NOL10: variants seen among roughly 807,000 people sequenced by gnomAD.
NOL10 encodes the protein nucleolar protein 10.
Under a neutral mutation model 103.5 loss-of-function variants are expected in NOL10, and 58 were observed. The observed-to-expected ratio is 0.56, with a 90% CI of 0.45 to 0.70. NOL10 has a LOEUF of 0.70. Ranked by LOEUF, NOL10 falls within the 30% of genes least tolerant of loss-of-function variation. NOL10 has a pLI of 0.00. For synonymous variants in NOL10, 287 were observed against 282.5 expected, an observed-to-expected ratio of 1.02 and a Z score of -0.16; for missense variants, 763 against 807.3, an observed-to-expected ratio of 0.95 and a Z score of 0.67.
chr2:10,675,197 C>CT (rs1681218858), intron 4 of NOL10, among the ~76,000 whole-genome samples: 1 of 149,002 alleles, frequency 6.7e-6, no homozygotes, highest in South Asian at 2.1e-4. Flanking sequence ...GACCCTATCT[C>CT]TTTAAAAAAG....
intron 13 of NOL10, among the ~76,000 whole-genome samples, chr2:10,618,431 G>A (rs1325289672): frequency 2.0e-5 from 3 of 152,110 alleles, no homozygotes; most frequent in Admixed American, 6.6e-5. Flanking sequence ...ATCAGATCCA[G>A]TTAAACCTTT....
At chr2:10,669,062 G>A (rs1680738225) in intron 6 of NOL10, among the ~76,000 whole-genome samples, 1 of 151,932 alleles carries the variant, frequency 6.6e-6, no homozygotes, top group South Asian at 2.1e-4. Context: ...CTCTCTGGGT[G>A]GTGTAATTAT....
intron 12 of NOL10, among the ~76,000 whole-genome samples, chr2:10,650,675 G>A (rs963081657): frequency 1.1e-4 from 16 of 152,068 alleles, no homozygotes; most frequent in Admixed American, 2.0e-4. Flanking sequence ...AGGATCGCTC[G>A]AGCCCAGGGG....
intron 12 of NOL10, among the ~76,000 whole-genome samples, chr2:10,647,996 G>C (rs1679197500): frequency 6.6e-6 from 1 of 152,128 alleles, no homozygotes. Context: ...TGGGACTCAA[G>C]ACACACGTAA....
chr2:10,683,556 G>A (rs1038014179), intron 2 of NOL10, among the ~76,000 whole-genome samples: 3 of 152,172 alleles, frequency 2.0e-5, no homozygotes, highest in African/African-American at 4.8e-5. Flanking sequence ...TGGGTATGGC[G>A]AGATTGCAAG....
chr2:10,659,986 G>T (rs1283137183), intron 9 of NOL10, among the ~76,000 whole-genome samples: 1 of 152,154 alleles, frequency 6.6e-6, no homozygotes, highest in African/African-American at 2.4e-5. Context: ...TCTAGAATAT[G>T]CTTCTCACAT....
At chr2:10,589,533 A>G (rs1394157715) in intron 18 of NOL10, 45 bp downstream of exon 18, 1 of 1,421,424 alleles carries the variant, frequency 7.0e-7, no homozygotes, top group Non-Finnish European at 9.4e-7. Flanking sequence ...AAAACATTAC[A>G]TTAAAGAAAC....
intron 13 of NOL10, among the ~76,000 whole-genome samples, chr2:10,617,304 T>G (rs1237613478): frequency 3.3e-5 from 5 of 151,978 alleles, no homozygotes. Flanking sequence ...GAGAGAGCAA[T>G]GGTGAGCAGG....
At chr2:10,574,572 G>A (rs1057336909) in intron 20 of NOL10, among the ~76,000 whole-genome samples, 4 of 151,798 alleles carry the variant, frequency 2.6e-5, no homozygotes, top group Non-Finnish European at 5.9e-5. Context: ...GCGTGAACCC[G>A]GGAGGTGGAG....
Position 10,633,306 on chromosome 2 carries a change from C to G in NOL10, c.1026+11014G>C, listed in dbSNP as rs1677960804. Reference sequence around the variant, plus strand: ...GGATTTGAACTGGGCTCAAGTGATTCTCCACTCCTGAGTAGTTGGGATTAC... The same window carrying G: ...GGATTTGAACTGGGCTCAAGTGATTGTCCACTCCTGAGTAGTTGGGATTAC... On this transcript the variant is annotated intron_variant, in intron 13 of 20. Transcript: ENST00000381685. Among the ~76,000 whole-genome samples the G allele has an allele frequency of 2.6e-5, 4 of 152,030 alleles. 1 individual carries two copies. Among genetic ancestry groups the G allele is most frequent in the Admixed American group, 1.3e-4 (2 of 15,250 alleles).
At chr2:10,614,294 A>G (rs6712406) in intron 13 of NOL10, among the ~76,000 whole-genome samples, 89,808 of 151,792 alleles carry the variant, frequency 0.59, 27,579 homozygotes, top group African/African-American at 0.74. Flanking sequence ...CTAACCAGAA[A>G]TCTGTTACCC....
chr2:10,663,017 T>C lies in NOL10; in HGVS notation c.619A>G (p.Thr207Ala), dbSNP rs1680305498. ...EGRVECWDPR[T>A]RNRVGLLDCA... is the part of the protein sequence containing the mutation. ...TCTAACAGGCCAACTCTGTTTCGAG[T>C]TCTTGGGTCCCAGCACTCCACTCTA... The change falls in exon 9 of 21, where the codon ACT becomes GCT. Residue 207 changes from threonine (T) to alanine (A), a missense_variant. By Grantham distance (58) the Thr-to-Ala change is moderately conservative. Transcript: ENST00000381685. 6.2e-7 allele frequency: 1 copy of C among 1,613,954 alleles called. No individual in the cohort carries two copies. Among genetic ancestry groups the C allele is most frequent in the Non-Finnish European group, 8.5e-7 (1 of 1,179,864 alleles).
intron 17 of NOL10, among the ~76,000 whole-genome samples, chr2:10,599,846 G>A (rs933045363): frequency 5.3e-5 from 8 of 151,950 alleles, no homozygotes; most frequent in Non-Finnish European, 1.0e-4. Context: ...ACGAGCAATC[G>A]CCCAAGATTA....
chr2:10,602,412 C>G (rs1253151409), intron 16 of NOL10, among the ~76,000 whole-genome samples: 4 of 152,178 alleles, frequency 2.6e-5, no homozygotes, highest in African/African-American at 9.7e-5. Flanking sequence ...CCAAACAGAG[C>G]CTAAGATACG....
At chr2:10,589,403 C>A in intron 18 of NOL10, 113 bp from the exon 19 acceptor site, 1 of 1,402,692 alleles carries the variant, frequency 7.1e-7, no homozygotes. Flanking sequence ...TGCTCTACTG[C>A]ATGCATCAGG....
chr2:10,605,637 C>T (rs1477227008), intron 14 of NOL10, among the ~76,000 whole-genome samples: 1 of 152,036 alleles, frequency 6.6e-6, no homozygotes, highest in East Asian at 1.9e-4. Flanking sequence ...TGAAAAAGAA[C>T]CCAAAATGTA....
Position 10,684,632 on chromosome 2 carries a change from G to C in NOL10, c.67-20C>G. ...AAGCCACTTAAAGAAAATGAAGAGA[G>C]TTTATTTTAAAACAAATTTAGCTAA... is the stretch of plus-strand genomic sequence containing the variant. On this transcript the variant is annotated intron_variant, in intron 1 of 20. Coordinates refer to ENST00000381685, the MANE Select transcript of NOL10 (RefSeq NM_024894.4). 2 of 1,544,144 alleles carry C rather than the reference G, an allele frequency of 1.3e-6. No individual in the cohort carries two copies. Among genetic ancestry groups the C allele is most frequent in the Non-Finnish European group, 1.8e-6 (2 of 1,141,174 alleles).
At chr2:10,595,262 G>C (rs1352766124) in intron 17 of NOL10, among the ~76,000 whole-genome samples, 2 of 152,088 alleles carry the variant, frequency 1.3e-5, no homozygotes, top group Admixed American at 1.3e-4. Flanking sequence ...GGGAGGAAAA[G>C]GGGCAGACAA....
chr2:10,685,528 C>A (rs1374946859), intron 1 of NOL10, among the ~76,000 whole-genome samples: 1 of 128,924 alleles, frequency 7.8e-6, no homozygotes, highest in African/African-American at 3.0e-5. Flanking sequence ...AAGAAAAAAA[C>A]AGGCTTAACC....
Sources: gnomAD v4.1 joint callset for allele counts (sites outside exome capture counted in the v4.1 genomes callset) on GRCh38, gnomAD v4.1.1 for gene constraint, MANE v1.5 for transcripts, NCBI Gene and HGNC (gene_info 2026-07-23, HGNC 2026-07-21) for gene names.